Variants in SLCO1B3 observed in about 807,000 individuals in gnomAD.
SLCO1B3 encodes liver-specific organic anion transporter 2.
In SLCO1B3, 72 loss-of-function variants were observed where a neutral mutation model predicts 71.8. The observed-to-expected ratio is 1.00, with a 90% CI of 0.83 to 1.22. SLCO1B3 has a LOEUF of 1.22. Among genes scored for constraint, SLCO1B3 ranks in the 50% most tolerant of loss-of-function variants. The pLI is 0.00. For missense variants in SLCO1B3, 911 were observed against 819.7 expected (o/e 1.11, Z -1.36); for synonymous variants, 298 against 278.4 (o/e 1.07, Z -0.70).
At chr12:20,875,559 C>T (rs535243630) in intron 9 of SLCO1B3, 82 bp downstream of exon 9, 13 of 1,356,118 alleles carry the variant, frequency 9.6e-6, no homozygotes, top group East Asian at 2.3e-5. Flanking sequence ...ATAAAGCATA[C>T]TCAAATCATC....
chr12:20,840,516 A>G (rs372516877), intron 3 of SLCO1B3, among the ~76,000 whole-genome samples: 3 of 151,092 alleles, frequency 2.0e-5, no homozygotes, highest in South Asian at 2.1e-4. Flanking sequence ...TCAGCCTCCC[A>G]GTAGCTGAGA....
chr12:20,848,956 C>A (rs1488338751), intron 3 of SLCO1B3, among the ~76,000 whole-genome samples: 2 of 151,930 alleles, frequency 1.3e-5, no homozygotes, highest in Non-Finnish European at 2.9e-5. Flanking sequence ...TAAAACACAC[C>A]AAGTGAACCC....
At chr12:20,888,769 T>C (rs1273358044) in intron 13 of SLCO1B3, among the ~76,000 whole-genome samples, 1 of 152,096 alleles carries the variant, frequency 6.6e-6, no homozygotes, top group East Asian at 1.9e-4. Flanking sequence ...CTTGGGTCCA[T>C]TCTTAGAAGT....
At chr12:20,905,663 C>T (rs757984556) in intron 15 of SLCO1B3, among the ~76,000 whole-genome samples, 1 of 152,206 alleles carries the variant, frequency 6.6e-6, no homozygotes, top group Non-Finnish European at 1.5e-5. Flanking sequence ...GTGACCTTTA[C>T]TCCAGTTCCC....
intron 13 of SLCO1B3, among the ~76,000 whole-genome samples, chr12:20,885,703 G>A (rs1250466992): frequency 1.3e-5 from 2 of 151,880 alleles, no homozygotes; most frequent in Non-Finnish European, 1.5e-5. Context: ...GCCCTTGGGT[G>A]GAGCATACTT....
intron 3 of SLCO1B3, among the ~76,000 whole-genome samples, chr12:20,833,519 A>G (rs962000274): frequency 6.7e-6 from 1 of 148,404 alleles, no homozygotes; most frequent in Non-Finnish European, 1.5e-5. Flanking sequence ...ATGTATGTAT[A>G]TACATATATA....
At chr12:20,889,145 A>T (rs1482853503) in intron 13 of SLCO1B3, among the ~76,000 whole-genome samples, 1 of 150,362 alleles carries the variant, frequency 6.7e-6, no homozygotes, top group African/African-American at 2.4e-5. Context: ...AGGGATATTA[A>T]TGTGTAGTTT....
At chr12:20,856,689 A>G (rs1456622424) in intron 4 of SLCO1B3, among the ~76,000 whole-genome samples, 1 of 152,148 alleles carries the variant, frequency 6.6e-6, no homozygotes, top group Non-Finnish European at 1.5e-5. Flanking sequence ...CCTCCCGAGT[A>G]GCTGGGATTA....
intron 15 of SLCO1B3, among the ~76,000 whole-genome samples, chr12:20,912,390 T>TA (rs1866398602): frequency 1.3e-5 from 2 of 151,316 alleles, no homozygotes; most frequent in African/African-American, 4.9e-5. Flanking sequence ...AGTGCAGCAG[T>TA]ACGATGTCAC....
chr12:20,856,866 A>G (rs1270416786), intron 4 of SLCO1B3, among the ~76,000 whole-genome samples: 1 of 152,112 alleles, frequency 6.6e-6, no homozygotes. Flanking sequence ...AGGCAATACT[A>G]CACCTTTTTA....
chr12:20,869,553 G>A (rs775312950), intron 8 of SLCO1B3, among the ~76,000 whole-genome samples: 6 of 151,896 alleles, frequency 4.0e-5, no homozygotes, highest in East Asian at 1.9e-4. Flanking sequence ...CTCTTGCCTC[G>A]GCACCTGGGT....
At chr12:20,854,068 G>C (rs1045788242) in intron 3 of SLCO1B3, among the ~76,000 whole-genome samples, 11 of 152,068 alleles carry the variant, frequency 7.2e-5, no homozygotes, top group African/African-American at 2.7e-4. Context: ...TAGGAGAAAA[G>C]ATACTTAATA....
chr12:20,811,006 A>T (rs1282084432), intron 1 of SLCO1B3, among the ~76,000 whole-genome samples: 1 of 152,158 alleles, frequency 6.6e-6, no homozygotes, highest in African/African-American at 2.4e-5. Context: ...TGAAAAATAA[A>T]GTTTGGAGTC....
chr12:20,899,065 A>C (rs1173345079), intron 14 of SLCO1B3, among the ~76,000 whole-genome samples: 1 of 152,192 alleles, frequency 6.6e-6, no homozygotes, highest in Non-Finnish European at 1.5e-5. Context: ...GATTATGAGG[A>C]TGTCCTGAAT....
chr12:20,886,671 G>C (rs1434903403), intron 13 of SLCO1B3, among the ~76,000 whole-genome samples: 1 of 151,972 alleles, frequency 6.6e-6, no homozygotes, highest in Non-Finnish European at 1.5e-5. Context: ...AACAAAACTA[G>C]TGCATGAAGA....
At chr12:20,904,237 C>T (rs1324763248) in intron 15 of SLCO1B3, among the ~76,000 whole-genome samples, 1 of 7,980 alleles carries the variant, frequency 1.3e-4, no homozygotes, top group Non-Finnish European at 2.6e-4. Flanking sequence ...GAGACTCTGT[C>T]TAAAAAAAAA....
At chr12:20,891,968 C>CTCAAGCTT (rs1423026593) in intron 13 of SLCO1B3, among the ~76,000 whole-genome samples, 2 of 151,812 alleles carry the variant, frequency 1.3e-5, no homozygotes, top group African/African-American at 4.8e-5. Flanking sequence ...TCTTTTGGAT[C>CTCAAGCTT]TCAAGCTTTA....
intron 13 of SLCO1B3, among the ~76,000 whole-genome samples, chr12:20,888,369 T>G (rs1865831834): frequency 6.6e-6 from 1 of 152,020 alleles, no homozygotes; most frequent in Non-Finnish European, 1.5e-5. Flanking sequence ...CATATATGAC[T>G]TTTTTCATCA....
chr12:20,835,154 G>A (rs942702333), intron 3 of SLCO1B3, among the ~76,000 whole-genome samples: 2 of 152,104 alleles, frequency 1.3e-5, no homozygotes, highest in Admixed American at 6.5e-5. Context: ...TGGAGTGGCT[G>A]GAATGCAGGG....
Sources: gnomAD v4.1 joint callset for allele counts (sites outside exome capture counted in the v4.1 genomes callset) on GRCh38, gnomAD v4.1.1 for gene constraint, MANE v1.5 for transcripts, NCBI Gene and HGNC (gene_info 2026-07-23, HGNC 2026-07-21) for gene names.